TRAPPC8: variants seen among roughly 807,000 people sequenced by gnomAD.
The protein encoded by TRAPPC8 is general sporulation gene 1 homolog.
Under a neutral mutation model 174.3 loss-of-function variants are expected in TRAPPC8, and 54 were observed. The observed-to-expected ratio is 0.31, with a 90% confidence interval of 0.25 to 0.39. TRAPPC8 has a LOEUF of 0.39. TRAPPC8 is among the 10% of genes least tolerant of loss of function. The pLI is 1.00. For missense variants in TRAPPC8, 1,531 were observed against 1,699.1 expected (o/e 0.90, Z 1.74); for synonymous variants, 630 against 579.9 (o/e 1.09, Z -1.24).
rs768287006 is a variant in TRAPPC8, at chr18:31,916,362, T to C, written c.527A>G (p.Asn176Ser). ...LSQEQHRIQHNSDYSYPKWFI... is the reference protein window; with the variant it reads ...LSQEQHRIQHSSDYSYPKWFI... ...CCACTTGGGGTAGGAATAATCACTG[T>C]TGTGCTGAATTCGATGCTGTTCTTG... Residue 176 changes from asparagine to serine, a missense_variant, in exon 4 of 29, where the codon AAC (asparagine) becomes AGC (serine). Physicochemically the swap from Asn to Ser is conservative, Grantham distance 46. Transcript: ENST00000283351. 1.2e-6 allele frequency: 2 copies of C among 1,613,876 alleles called. No homozygotes were observed. Among genetic ancestry groups the C allele is most frequent in the Admixed American group, 1.7e-5 (1 of 59,974 alleles).
rs1256403160 is a variant in TRAPPC8 at position 31,830,860 on chromosome 18, G to A, written c.4203C>T (p.Asn1401=). 6.2e-7 allele frequency: 1 copy of A among 1,614,128 alleles called. No homozygotes were observed. Among genetic ancestry groups the A allele is most frequent in the East Asian group, 2.2e-5 (1 of 44,874 alleles). ...TGGCAAATACCCTAGGAGTTCCAAG[G>A]TTATAAACACCTGTATGAACAAAGC... ...KACFVHTGVY[N]LGTPRVFAKL... is the part of the protein sequence containing the mutation. Residue 1401 remains asparagine, a synonymous_variant, in exon 29 of 29, where the codon AAC becomes AAT. Coordinates refer to ENST00000283351, the MANE Select transcript of TRAPPC8 (RefSeq NM_014939.5).
rs1156462875 is a variant in TRAPPC8, at chr18:31,857,834, G to A, written c.2894C>T (p.Ala965Val). Residue 965 changes from alanine (A) to valine (V), a missense_variant, in exon 20 of 29, where the codon GCT (alanine) becomes GTT (valine). Coordinates refer to ENST00000283351, the MANE Select transcript of TRAPPC8 (RefSeq NM_014939.5). ...PEFFTFGGNT[A>V]VLTPLSPSAS... ...TGAGGGACTTAGTGGTGTTAGAACA[G>A]CAGTATTACCACCGAAAGTAAAGAA... 4.3e-6 allele frequency: 7 copies of A among 1,614,048 alleles called. No homozygotes were observed. The highest frequency in any genetic ancestry group is 5.9e-6 in the Non-Finnish European group (7 of 1,180,040).
chr18:31,854,751 G>C (rs571673833), intron 21 of TRAPPC8, among the ~76,000 whole-genome samples: 2 of 151,616 alleles, frequency 1.3e-5, no homozygotes, highest in African/African-American at 2.4e-5. Flanking sequence ...GGCGGATTAC[G>C]AGGTCAGGAG....
chr18:31,831,235 C>T (rs1251312600), intron 28 of TRAPPC8, among the ~76,000 whole-genome samples: 4 of 152,106 alleles, frequency 2.6e-5, no homozygotes, highest in African/African-American at 9.7e-5. Flanking sequence ...CCTGTAATCC[C>T]AGCTACTCAG....
intron 16 of TRAPPC8, among the ~76,000 whole-genome samples, chr18:31,868,131 T>C (rs763152619): frequency 6.6e-6 from 1 of 152,178 alleles, no homozygotes; most frequent in South Asian, 2.1e-4. Flanking sequence ...GAAAAAGGCC[T>C]GTTTCCCCCA....
chr18:31,942,254 TCCTA>T (rs2038377035), intron 1 of TRAPPC8, among the ~76,000 whole-genome samples: 1 of 152,232 alleles, frequency 6.6e-6, no homozygotes, highest in Non-Finnish European at 1.5e-5. Context: ...GGCAGCATTT[TCCTA>T]CCTTAGCTGC....
chr18:31,864,852 G>T, intron 18 of TRAPPC8, 71 bp from the exon 19 acceptor site: 1 of 1,268,868 alleles, frequency 7.9e-7, no homozygotes, highest in Non-Finnish European at 1.1e-6. Flanking sequence ...ACTTGAATAT[G>T]TGAATATTGT....
At chr18:31,929,921 A>G (rs1389394768) in intron 2 of TRAPPC8, among the ~76,000 whole-genome samples, 1 of 152,196 alleles carries the variant, frequency 6.6e-6, no homozygotes, top group Admixed American at 6.5e-5. Context: ...ACTGGTAAAG[A>G]TAACCATAAT....
chr18:31,937,848 C>T (rs1336558659), intron 1 of TRAPPC8, among the ~76,000 whole-genome samples: 1 of 151,964 alleles, frequency 6.6e-6, no homozygotes, highest in Non-Finnish European at 1.5e-5. Flanking sequence ...GGACTACAAG[C>T]GCCCACCACC....
intron 12 of TRAPPC8, among the ~76,000 whole-genome samples, chr18:31,880,098 T>A (rs866892756): frequency 0.14 from 10,056 of 70,328 alleles, 734 homozygotes; most frequent in South Asian, 0.21. Flanking sequence ...AAAATATATA[T>A]ATATATATAT....
chr18:31,907,751 A>T (rs1367681324), intron 8 of TRAPPC8, 141 bp from the exon 9 acceptor site: 6 of 651,748 alleles, frequency 9.2e-6, no homozygotes, highest in Non-Finnish European at 1.1e-5. Context: ...CTCCAACAAG[A>T]GTGTCAGTTC....
chr18:31,866,212 TC>T (rs1192085745), intron 18 of TRAPPC8, among the ~76,000 whole-genome samples: 1 of 152,122 alleles, frequency 6.6e-6, no homozygotes, highest in Admixed American at 6.5e-5. Context: ...TCTCCTAGCA[TC>T]TTTTCAACTT....
chr18:31,904,142 T>TA (rs1238227271), intron 9 of TRAPPC8, among the ~76,000 whole-genome samples: 1 of 149,938 alleles, frequency 6.7e-6, no homozygotes, highest in Non-Finnish European at 1.5e-5. Flanking sequence ...GGGGCTGAGG[T>TA]AGGAGGATCA....
chr18:31,872,150 G>A (rs1251814568), intron 14 of TRAPPC8, among the ~76,000 whole-genome samples: 1 of 151,972 alleles, frequency 6.6e-6, no homozygotes, highest in Non-Finnish European at 1.5e-5. Flanking sequence ...CAATGTCTAT[G>A]TGTACACATT....
chr18:31,880,090 A>AATATATATATATATAT (rs1246506445), intron 12 of TRAPPC8, among the ~76,000 whole-genome samples: 1 of 85,380 alleles, frequency 1.2e-5, no homozygotes, highest in Non-Finnish European at 2.2e-5. Flanking sequence ...TGAAAAAAAA[A>AATATATATATATATAT]ATATATATAT....
At chr18:31,879,080 C>CT (rs1342856576) in intron 12 of TRAPPC8, among the ~76,000 whole-genome samples, 2 of 152,088 alleles carry the variant, frequency 1.3e-5, no homozygotes, top group Non-Finnish European at 2.9e-5. Context: ...AGGAAGAAAA[C>CT]TAACAAAGAA....
At chr18:31,850,646 A>AC (rs1175679780) in intron 24 of TRAPPC8, among the ~76,000 whole-genome samples, 1 of 152,218 alleles carries the variant, frequency 6.6e-6, no homozygotes. Flanking sequence ...CTTCAAGTTA[A>AC]TTATTAAATA....
intron 2 of TRAPPC8, among the ~76,000 whole-genome samples, chr18:31,920,945 C>CA (rs71177808): frequency 0.3 from 22,589 of 75,780 alleles, 2,862 homozygotes; most frequent in South Asian, 0.55. Context: ...CACTCCGTCT[C>CA]AAAAAAAAAA....
At chr18:31,871,915 A>G (rs942009730) in intron 14 of TRAPPC8, among the ~76,000 whole-genome samples, 12 of 152,236 alleles carry the variant, frequency 7.9e-5, no homozygotes, top group African/African-American at 2.9e-4. Flanking sequence ...ATTCAAATAT[A>G]AGAATGTTTA....
Sources: allele counts gnomAD v4.1 joint callset (sites outside exome capture counted in the v4.1 genomes callset), GRCh38; gene constraint gnomAD v4.1.1; transcripts MANE v1.5; gene names NCBI Gene and HGNC (gene_info 2026-07-23, HGNC 2026-07-21).